Variants in UBAP2L observed in about 807,000 individuals in gnomAD.
UBAP2L encodes the protein ubiquitin associated protein 2 like.
In UBAP2L, 12 loss-of-function variants were observed where a neutral mutation model predicts 130.6. The observed-to-expected ratio is 0.09, with a 90% confidence interval of 0.06 to 0.15. The LOEUF is 0.15. UBAP2L is among the 10% of genes least tolerant of loss of function. The pLI is 1.00. For synonymous variants in UBAP2L, 503 were observed against 524.7 expected, an observed-to-expected ratio of 0.96 and a Z score of 0.57; for missense variants, 965 against 1,332.5, an observed-to-expected ratio of 0.72 and a Z score of 4.29.
At chr1:154,252,001 T>G (rs1677782511) in intron 14 of UBAP2L, among the ~76,000 whole-genome samples, 1 of 151,988 alleles carries the variant, frequency 6.6e-6, no homozygotes, top group African/African-American at 2.4e-5. Flanking sequence ...AAACACAGAG[T>G]TTCACTCTGT....
chr1:154,259,977 C>T lies in UBAP2L; in HGVS notation c.2526C>T (p.Pro842=). Reference sequence around the variant, plus strand: ...ACTACAGCATCCCATTTCCCACACCCACTACTCCGCTGACTGGGAGGGATG... The same window carrying T: ...ACTACAGCATCCCATTTCCCACACCTACTACTCCGCTGACTGGGAGGGATG... ...LDYYSIPFPT[P]TTPLTGRDGS... The change falls in exon 22 of 27, where the codon CCC becomes CCT. Residue 842 remains proline, a synonymous_variant. Coordinates refer to ENST00000428931, the MANE Select transcript of UBAP2L (RefSeq NM_014847.4). 6.2e-7 allele frequency: 1 copy of T among 1,614,176 alleles called. No individual in the cohort carries two copies. Among genetic ancestry groups the T allele is most frequent in the Non-Finnish European group, 8.5e-7 (1 of 1,180,040 alleles).
rs1271439288 is a variant in UBAP2L, at chr1:154,270,786, T to G, written c.*491T>G. Reference sequence around the variant, plus strand: ...TTTTTTTTTGTTTTTTTTTTTTTTTTGTACTGTGTCCTCAAATTTAATGGA... The same window carrying G: ...TTTTTTTTTGTTTTTTTTTTTTTTTGGTACTGTGTCCTCAAATTTAATGGA... On this transcript the variant is annotated 3_prime_UTR_variant, in exon 27 of 27. Coordinates refer to ENST00000428931, the MANE Select transcript of UBAP2L (RefSeq NM_014847.4). 4.8e-6 allele frequency: 6 copies of G among 1,250,782 alleles called. No homozygotes were observed. The highest frequency in any genetic ancestry group is 3.6e-5 in the Admixed American group (1 of 27,904). 77.5% of individuals were successfully genotyped at this position (1,250,782 alleles called of 1,614,324 possible).
At chr1:154,264,807 T>C (rs932137874) in intron 24 of UBAP2L, among the ~76,000 whole-genome samples, 2 of 152,230 alleles carry the variant, frequency 1.3e-5, no homozygotes, top group South Asian at 2.1e-4. Context: ...TTGGTTTGAC[T>C]TAAAAATGTT....
chr1:154,220,682 A>T (rs537094442), upstream of UBAP2L: 20 of 499,382 alleles, frequency 4.0e-5, no homozygotes, highest in East Asian at 5.9e-4. Context: ...CTACGACAGT[A>T]AGAGGAAGCG....
chr1:154,248,769 T>TA (rs1676507061), intron 11 of UBAP2L, among the ~76,000 whole-genome samples: 1 of 152,146 alleles, frequency 6.6e-6, no homozygotes, highest in Non-Finnish European at 1.5e-5. Flanking sequence ...TGAGCCGAGA[T>TA]AGCACCACTG....
At chr1:154,230,039 G>A (rs1233383472) in intron 4 of UBAP2L, among the ~76,000 whole-genome samples, 4 of 151,400 alleles carry the variant, frequency 2.6e-5, no homozygotes, top group Non-Finnish European at 5.9e-5. Flanking sequence ...TTTTTGAGAC[G>A]GTGTCTCTCT....
intron 17 of UBAP2L, 146 bp from the exon 18 acceptor site, chr1:154,255,537 C>T: frequency 1.8e-6 from 2 of 1,123,224 alleles, no homozygotes; most frequent in Non-Finnish European, 2.6e-6. Flanking sequence ...CTCTCTACCC[C>T]TGGCTGGCCA....
At chr1:154,260,130 TG>T in intron 22 of UBAP2L, 101 bp downstream of exon 22, 1 of 1,306,534 alleles carries the variant, frequency 7.7e-7, no homozygotes, top group East Asian at 2.3e-5. Flanking sequence ...AAATCAGGAT[TG>T]GTAGATTCAA....
chr1:154,265,583 G>A (rs1683006974), intron 24 of UBAP2L, among the ~76,000 whole-genome samples: 2 of 151,988 alleles, frequency 1.3e-5, no homozygotes, highest in African/African-American at 4.8e-5. Flanking sequence ...CTATCTTCTT[G>A]ACCCGATGCC....
chr1:154,269,734 A>C, intron 26 of UBAP2L: 1 of 280,058 alleles, frequency 3.6e-6, no homozygotes, highest in East Asian at 1.0e-4. Flanking sequence ...GATGTGTGGT[A>C]GGGGTGGGGA....
intron 4 of UBAP2L, among the ~76,000 whole-genome samples, chr1:154,231,265 C>G (rs1028594434): frequency 1.3e-5 from 2 of 150,634 alleles, no homozygotes; most frequent in Non-Finnish European, 2.9e-5. Context: ...GCTGGGACAA[C>G]AGGTGTGCGC....
At chr1:154,235,121 GT>G in intron 5 of UBAP2L, 74 bp from the exon 6 acceptor site, 2 of 694,730 alleles carry the variant, frequency 2.9e-6, no homozygotes, top group Non-Finnish European at 5.3e-6. Flanking sequence ...TATATATCCT[GT>G]TGACTGTGCT....
chr1:154,220,812 C>T (rs990763096), upstream of UBAP2L: 53 of 183,436 alleles, frequency 2.9e-4, no homozygotes, highest in African/African-American at 1.2e-3. Context: ...GCGTGCGCGC[C>T]CCTTTTAGCG....
In UBAP2L at chr1:154,241,574, T is replaced by A; in HGVS notation, c.756+9T>A. 6.2e-7 allele frequency: 1 copy of A among 1,613,986 alleles called. No individual in the cohort carries two copies. The highest frequency in any genetic ancestry group is 2.2e-5 in the East Asian group (1 of 44,860). On this transcript the variant is annotated intron_variant, in intron 9 of 26. Transcript: ENST00000428931. ...AAGATTGGAATGAAGATGTAGGTAT[T>A]CCCAGGTCATTCCTCACTAATGCCT... is the stretch of plus-strand genomic sequence containing the variant.
chr1:154,231,721 A>G (rs1435059532), intron 4 of UBAP2L, among the ~76,000 whole-genome samples: 1 of 152,136 alleles, frequency 6.6e-6, no homozygotes, highest in Non-Finnish European at 1.5e-5. Context: ...GTTCGTCCAT[A>G]TTGTGGCATG....
At chr1:154,246,410 T>C in intron 11 of UBAP2L, 35 bp downstream of exon 11, 1 of 1,589,346 alleles carries the variant, frequency 6.3e-7, no homozygotes, top group Non-Finnish European at 8.6e-7. Context: ...TAATCAAACC[T>C]TCCTGCTAAT....
In UBAP2L at chr1:154,253,995, C is replaced by T. The variant is rs1181300821; in HGVS notation, c.1760C>T (p.Ala587Val). The T allele has an allele frequency of 1.2e-6, 2 of 1,606,124 alleles. No homozygotes were observed. Among genetic ancestry groups the T allele is most frequent in the South Asian group, 1.1e-5 (1 of 90,026 alleles). Residue 587 changes from alanine (A) to valine (V), a missense_variant, in exon 15 of 27, where the codon GCT (alanine) becomes GTT (valine). This residue lies in a region of UBAP2L where 393 missense variants were observed against 408.1 expected (regional missense o/e 0.96). Transcript: ENST00000428931. The stretch of plus-strand genomic sequence containing the variant: ...ACAACCTATACCTCCCAAAATAATG[C>T]TCAGGGCCCTCTTTATGAACAGAGA... Reference protein sequence around the residue: ...QSTTYTSQNNAQGPLYEQRST... With the variant: ...QSTTYTSQNNVQGPLYEQRST...
intron 3 of UBAP2L, 55 bp from the exon 4 acceptor site, chr1:154,228,560 A>ACAC: frequency 7.4e-7 from 1 of 1,346,672 alleles, no homozygotes; most frequent in Non-Finnish European, 1.1e-6. Flanking sequence ...GTTTCCTTTC[A>ACAC]TTGGGAGTGT....
At chr1:154,262,014 G>A (rs995668063) in intron 24 of UBAP2L, among the ~76,000 whole-genome samples, 3 of 152,226 alleles carry the variant, frequency 2.0e-5, no homozygotes, top group Admixed American at 1.3e-4. Flanking sequence ...TGTCAGTGGA[G>A]GCAAGTGTTA....
Sources: allele counts gnomAD v4.1 joint callset (sites outside exome capture counted in the v4.1 genomes callset), GRCh38; gene constraint gnomAD v4.1.1; regional missense constraint gnomAD v4.1.1; transcripts MANE v1.5; gene names NCBI Gene and HGNC (gene_info 2026-07-23, HGNC 2026-07-21).